KSR1: variants seen among roughly 807,000 people sequenced by gnomAD.
The protein encoded by KSR1 is kinase suppressor of ras 1.
KSR1 carries 35 observed loss-of-function variants against 92.9 expected under a neutral mutation model. That is an observed-to-expected ratio of 0.38 (90% confidence interval 0.29 to 0.50). The LOEUF is 0.50. Among genes scored for constraint, KSR1 ranks in the 20% least tolerant of loss-of-function variants. The pLI, the probability that KSR1 is intolerant of heterozygous loss-of-function variation, is 0.94. For synonymous variants in KSR1, 467 were observed against 472.6 expected (o/e 0.99, Z 0.15); for missense variants, 972 against 1,158.5 (o/e 0.84, Z 2.34).
At chr17:27,603,291 G>A (rs142688827) in intron 11 of KSR1, among the ~76,000 whole-genome samples, 71 of 152,330 alleles carry the variant, frequency 4.7e-4, no homozygotes, top group African/African-American at 1.4e-3. Flanking sequence ...ACCTGAAGCC[G>A]AGGGCTCGGG....
intron 18 of KSR1, chr17:27,612,862 CTCTG>C (rs1344977745): frequency 8.5e-5 from 13 of 152,232 alleles, no homozygotes; most frequent in Non-Finnish European, 1.9e-4. Context: ...TGTCTGCAGA[CTCTG>C]TCTGCAAATT....
intron 1 of KSR1, among the ~76,000 whole-genome samples, chr17:27,501,218 C>G (rs2069164802): frequency 1.3e-5 from 2 of 148,498 alleles, no homozygotes; most frequent in Admixed American, 1.3e-4. Flanking sequence ...GGACCTTGAC[C>G]AAGGCTATAT....
intron 13 of KSR1, 90 bp from the exon 14 acceptor site, chr17:27,605,344 C>G: frequency 1.3e-6 from 2 of 1,495,156 alleles, no homozygotes; most frequent in Non-Finnish European, 1.8e-6. Context: ...CCTCTCTCCC[C>G]TGTTACCTGG....
Position 27,581,245 on chromosome 17 carries a change from G to A in KSR1, c.521-1401G>A, listed in dbSNP as rs553001191. Among the ~76,000 whole-genome samples the A allele has an allele frequency of 6.6e-5, 10 of 152,182 alleles. 1 individual carries two copies. The South Asian group carries it at 2.1e-3, about 32-fold the overall frequency. ...CACTCTCTCGAGAACAGCACCAAGA[G>A]GATGGTGCCAAAACAGTCATGAGAA... On this transcript the variant is annotated intron_variant, in intron 3 of 20. Coordinates refer to ENST00000644974, the MANE Select transcript of KSR1 (RefSeq NM_001394583.1).
chr17:27,469,754 T>C (rs2019880023), intron 1 of KSR1, among the ~76,000 whole-genome samples: 3 of 152,172 alleles, frequency 2.0e-5, no homozygotes, highest in Admixed American at 1.3e-4. Flanking sequence ...GTTTCCCTAT[T>C]ATCTTCCTTT....
intron 5 of KSR1, among the ~76,000 whole-genome samples, chr17:27,586,710 C>T (rs1034010204): frequency 6.6e-6 from 1 of 152,204 alleles, no homozygotes; most frequent in African/African-American, 2.4e-5. Context: ...TGTCTCCATG[C>T]AGATCAGATG....
At chr17:27,536,805 C>G (rs929690327) in intron 1 of KSR1, among the ~76,000 whole-genome samples, 1 of 152,250 alleles carries the variant, frequency 6.6e-6, no homozygotes, top group African/African-American at 2.4e-5. Context: ...CAGGGCCACT[C>G]ATTATGGTCT....
intron 3 of KSR1, among the ~76,000 whole-genome samples, chr17:27,582,312 C>T (rs1232885524): frequency 6.6e-6 from 1 of 152,194 alleles, no homozygotes; most frequent in Non-Finnish European, 1.5e-5. Flanking sequence ...CATTCCCCAT[C>T]CCCAAATCCA....
intron 19 of KSR1, among the ~76,000 whole-genome samples, chr17:27,618,096 A>AT (rs2074115036): frequency 6.6e-6 from 1 of 152,160 alleles, no homozygotes; most frequent in Non-Finnish European, 1.5e-5. Flanking sequence ...GTGATGTGGT[A>AT]TTATAAGCTT....
chr17:27,514,729 A>G (rs1315184993), intron 1 of KSR1, among the ~76,000 whole-genome samples: 1 of 152,112 alleles, frequency 6.6e-6, no homozygotes, highest in Non-Finnish European at 1.5e-5. Context: ...CTTATGAAAC[A>G]AAAAGCCCAG....
intron 2 of KSR1, among the ~76,000 whole-genome samples, chr17:27,553,319 TACGGCAGCTCTCA>T (rs1421701654): frequency 6.6e-6 from 1 of 152,184 alleles, no homozygotes; most frequent in African/African-American, 2.4e-5. Context: ...GGCCTGCACA[TACGGCAGCTCTCA>T]ACAGCCTCCT....
chr17:27,563,587 G>A (rs1372114915), intron 2 of KSR1, among the ~76,000 whole-genome samples: 1 of 152,190 alleles, frequency 6.6e-6, no homozygotes, highest in East Asian at 1.9e-4. Flanking sequence ...TTCTGTCAGT[G>A]TCTTGTTACG....
At chr17:27,494,726 G>T (rs2068928412) in intron 1 of KSR1, among the ~76,000 whole-genome samples, 1 of 152,236 alleles carries the variant, frequency 6.6e-6, no homozygotes, top group Admixed American at 6.5e-5. Flanking sequence ...TCTTGATGGA[G>T]CTGTTTCCCA....
At chr17:27,488,262 C>G (rs1222071713) in intron 1 of KSR1, among the ~76,000 whole-genome samples, 1 of 152,218 alleles carries the variant, frequency 6.6e-6, no homozygotes, top group Non-Finnish European at 1.5e-5. Context: ...TATTCCCAGT[C>G]TCTAGACCCC....
intron 11 of KSR1, 99 bp downstream of exon 11, chr17:27,601,500 T>C: frequency 1.0e-6 from 1 of 970,156 alleles, no homozygotes; most frequent in African/African-American, 1.6e-5. Flanking sequence ...CCTTTGGAGA[T>C]ACTTGAGTCT....
intron 1 of KSR1, among the ~76,000 whole-genome samples, chr17:27,523,982 A>G (rs1056510320): frequency 6.6e-6 from 1 of 152,192 alleles, no homozygotes; most frequent in African/African-American, 2.4e-5. Flanking sequence ...AGGAGAGTGG[A>G]AAGTGGGAGG....
rs746827496 is a variant in KSR1, at chr17:27,607,958, A to G, written c.2039A>G (p.Lys680Arg). 6.8e-6 allele frequency: 11 copies of G among 1,611,108 alleles called. No homozygotes were observed. The highest frequency in any genetic ancestry group is 1.7e-4 in the Middle Eastern group (1 of 6,054). Residue 680 changes from lysine (K) to arginine (R), a missense_variant, in exon 15 of 21, where the codon AAG (lysine) becomes AGG (arginine). Transcript: ENST00000644974. ...TTGCACTCGTTTGTGAGGGACCCCA[A>G]GACGTCTCTGGACATCAACAAGACG... Reference protein sequence around the residue: ...RTLHSFVRDPKTSLDINKTRQ... With the variant: ...RTLHSFVRDPRTSLDINKTRQ...
chr17:27,469,050 T>C (rs60059511), intron 1 of KSR1, among the ~76,000 whole-genome samples: 9,968 of 152,240 alleles, frequency 0.065, 445 homozygotes, highest in South Asian at 0.16. Flanking sequence ...TCACTGTGTG[T>C]GGGCCCTGGA....
intron 9 of KSR1, among the ~76,000 whole-genome samples, chr17:27,593,886 C>T (rs2073252683): frequency 6.6e-6 from 1 of 152,210 alleles, no homozygotes; most frequent in Admixed American, 6.5e-5. Flanking sequence ...TCACAGATGT[C>T]ACTCGTGCCG....
Sources: gnomAD v4.1 joint callset for allele counts (sites outside exome capture counted in the v4.1 genomes callset) on GRCh38, gnomAD v4.1.1 for gene constraint, MANE v1.5 for transcripts, NCBI Gene and HGNC (gene_info 2026-07-23, HGNC 2026-07-21) for gene names.